Variants in ZNF366 observed in about 807,000 individuals in gnomAD.
ZNF366 encodes the protein zinc finger protein 366.
In ZNF366, 20 loss-of-function variants were observed where a neutral mutation model predicts 47.2. That is an observed-to-expected ratio of 0.42 (90% confidence interval 0.30 to 0.62). The LOEUF (loss-of-function observed/expected upper bound fraction) is 0.62, where lower values mean the gene tolerates loss of function less well. ZNF366 is among the 20% of genes least tolerant of loss of function. The pLI, the probability that ZNF366 is intolerant of heterozygous loss-of-function variation, is 0.16. For missense variants in ZNF366, 987 were observed against 976.3 expected (o/e 1.01, Z -0.15); for synonymous variants, 421 against 395.1 (o/e 1.07, Z -0.78).
intron 1 of ZNF366, among the ~76,000 whole-genome samples, chr5:72,473,078 T>C (rs1338482823): frequency 6.6e-6 from 1 of 152,220 alleles, no homozygotes; most frequent in East Asian, 1.9e-4. Context: ...TCTTATACAA[T>C]CACCAGTACT....
At chr5:72,452,198 G>A (rs1235487475) in intron 3 of ZNF366, among the ~76,000 whole-genome samples, 2 of 152,176 alleles carry the variant, frequency 1.3e-5, no homozygotes, top group South Asian at 2.1e-4. Context: ...TGCCCTTCCC[G>A]CACATTCTTC....
chr5:72,458,992 C>T (rs552579068), intron 2 of ZNF366, among the ~76,000 whole-genome samples: 16 of 152,150 alleles, frequency 1.1e-4, no homozygotes, highest in East Asian at 9.6e-4. Flanking sequence ...GTCCCCTTTA[C>T]GGCTGAATCC....
chr5:72,474,670 A>G (rs142137635), intron 1 of ZNF366, among the ~76,000 whole-genome samples: 2 of 152,106 alleles, frequency 1.3e-5, no homozygotes, highest in East Asian at 3.9e-4. Context: ...ACACACACAC[A>G]CACACAGACA....
At chr5:72,498,130 G>GA (rs112452992) in intron 1 of ZNF366, among the ~76,000 whole-genome samples, 283 of 149,372 alleles carry the variant, frequency 1.9e-3, no homozygotes, top group African/African-American at 6.6e-3. Flanking sequence ...TCTGCGATTC[G>GA]AAAAAAAAAT....
chr5:72,460,289 T>A lies in ZNF366; in HGVS notation c.1208A>T (p.Gln403Leu). The change falls in exon 2 of 5, where the codon CAG becomes CTG. Residue 403 changes from glutamine to leucine, a missense_variant. Around this residue, in one of 3 missense-constraint regions of ZNF366, gnomAD observed 591 missense variants for 560.9 expected, o/e 1.05. Coordinates refer to ENST00000318442, the MANE Select transcript of ZNF366 (RefSeq NM_152625.3). ...YNCSECDKTF[Q>L]YPSQLQNHMM... ...GTGGTTCTGCAGCTGGCTCGGGTAC[T>A]GGAAGGTCTTGTCGCACTCGGAGCA... The A allele has an allele frequency of 6.2e-7, 1 of 1,614,220 alleles. No homozygotes were observed. The highest frequency in any genetic ancestry group is 1.1e-5 in the South Asian group (1 of 91,086).
chr5:72,483,185 C>T (rs903335327), intron 1 of ZNF366, among the ~76,000 whole-genome samples: 2 of 152,150 alleles, frequency 1.3e-5, no homozygotes, highest in Non-Finnish European at 2.9e-5. Context: ...GTCAATCCTG[C>T]AAGATTGTCC....
intron 1 of ZNF366, among the ~76,000 whole-genome samples, chr5:72,506,462 G>T (rs1744320101): frequency 6.6e-6 from 1 of 152,154 alleles, no homozygotes; most frequent in African/African-American, 2.4e-5. Flanking sequence ...GGAAAACCAG[G>T]CACTGGGTGA....
chr5:72,447,022 G>A (rs1365269758), intron 4 of ZNF366, among the ~76,000 whole-genome samples: 1 of 152,186 alleles, frequency 6.6e-6, no homozygotes, highest in African/African-American at 2.4e-5. Context: ...TAATGGTACC[G>A]ACTGGCATCA....
intron 1 of ZNF366, among the ~76,000 whole-genome samples, chr5:72,481,695 G>A (rs1257540863): frequency 6.6e-6 from 1 of 152,050 alleles, no homozygotes; most frequent in Non-Finnish European, 1.5e-5. Context: ...TTTTCCACCT[G>A]ACATTAAGTA....
chr5:72,470,114 A>G (rs1354061984), intron 1 of ZNF366, among the ~76,000 whole-genome samples: 1 of 152,214 alleles, frequency 6.6e-6, no homozygotes, highest in Admixed American at 6.5e-5. Flanking sequence ...CCATTAGAAA[A>G]TATACTTCTA....
At chr5:72,451,354 AT>A (rs1483777634) in intron 3 of ZNF366, among the ~76,000 whole-genome samples, 4 of 152,276 alleles carry the variant, frequency 2.6e-5, no homozygotes, top group Non-Finnish European at 4.4e-5. Context: ...ATGGAAAAAA[AT>A]ATTTTAAAGT....
At chr5:72,477,233 A>G (rs1260037795) in intron 1 of ZNF366, among the ~76,000 whole-genome samples, 1 of 152,202 alleles carries the variant, frequency 6.6e-6, no homozygotes, top group Non-Finnish European at 1.5e-5. Flanking sequence ...AGCAGCTGGT[A>G]CTCTTGACAT....
At position 72,446,623 on chromosome 5, in the gene ZNF366, A is replaced by G. The variant is rs183241411; in HGVS notation, c.1699+620T>C. 3.9e-5 allele frequency among the ~76,000 whole-genome samples: 6 copies of G among 152,336 alleles called. No individual in the cohort carries two copies. The East Asian group carries it at 7.7e-4, about 20-fold the overall frequency. On this transcript the variant is annotated intron_variant, in intron 4 of 4. Coordinates refer to ENST00000318442, the MANE Select transcript of ZNF366 (RefSeq NM_152625.3). ...GGGGAGGTGTAAACCCCTGCTCTGC[A>G]TATGGGCCAATCAGCCCTACCTACC... is the stretch of plus-strand genomic sequence containing the variant.
At chr5:72,479,602 A>G (rs917026714) in intron 1 of ZNF366, among the ~76,000 whole-genome samples, 1 of 152,256 alleles carries the variant, frequency 6.6e-6, no homozygotes, top group Non-Finnish European at 1.5e-5. Flanking sequence ...AAATTGGTCA[A>G]CAGCCACCAA....
In ZNF366 at chr5:72,460,214, A is replaced by G. The variant is rs1743271042; in HGVS notation, c.1283T>C (p.Met428Thr). 6 of 1,614,124 alleles carry G rather than the reference A, an allele frequency of 3.7e-6. No individual in the cohort carries two copies. Among genetic ancestry groups the G allele is most frequent in the Non-Finnish European group, 4.2e-6 (5 of 1,180,046 alleles). ...GAGGTGGTGCGGCTGCACAAACTCC[A>G]TGCCACACTCTGAGCAGATGTAGGG... Reference protein sequence around the residue: ...IRPYICSECGMEFVQPHHLKQ... With the variant: ...IRPYICSECGTEFVQPHHLKQ... The change falls in exon 2 of 5, where the codon ATG becomes ACG. Residue 428 changes from methionine (M) to threonine (T), a missense_variant. Physicochemically the swap from Met to Thr is moderately conservative, Grantham distance 81 (BLOSUM62 -1). Transcript: ENST00000318442.
At chr5:72,466,702 A>G (rs1055425055) in intron 1 of ZNF366, among the ~76,000 whole-genome samples, 1 of 152,244 alleles carries the variant, frequency 6.6e-6, no homozygotes, top group Non-Finnish European at 1.5e-5. Flanking sequence ...TTTAAAAGGT[A>G]TAATTTTATC....
chr5:72,447,021 C>T (rs138986434), intron 4 of ZNF366, among the ~76,000 whole-genome samples: 21 of 152,222 alleles, frequency 1.4e-4, no homozygotes, highest in Admixed American at 1.2e-3. Flanking sequence ...ATAATGGTAC[C>T]GACTGGCATC....
intron 1 of ZNF366, among the ~76,000 whole-genome samples, chr5:72,490,676 C>A (rs1743990488): frequency 6.6e-6 from 1 of 152,138 alleles, no homozygotes; most frequent in Non-Finnish European, 1.5e-5. Context: ...TTTCGTCATG[C>A]CAGACTGTTG....
At chr5:72,483,253 G>A (rs1324932749) in intron 1 of ZNF366, among the ~76,000 whole-genome samples, 3 of 152,168 alleles carry the variant, frequency 2.0e-5, no homozygotes, top group African/African-American at 7.2e-5. Flanking sequence ...ACTCAGAGGT[G>A]AGGTCCAGCT....
Sources: allele counts gnomAD v4.1 joint callset (sites outside exome capture counted in the v4.1 genomes callset), GRCh38; gene constraint gnomAD v4.1.1; regional missense constraint gnomAD v4.1.1; transcripts MANE v1.5; gene names NCBI Gene and HGNC (gene_info 2026-07-23, HGNC 2026-07-21).